Variants in SNX29 observed in about 807,000 individuals in gnomAD.
SNX29 encodes the protein sorting nexin-29.
A neutral mutation model predicts 102.1 loss-of-function variants in SNX29; 78 were observed. That is an observed-to-expected ratio of 0.76 (90% CI 0.64 to 0.92). SNX29 has a LOEUF of 0.92. SNX29 is among the 40% of genes least tolerant of loss of function. SNX29 has a pLI of 0.00. For synonymous variants in SNX29, 580 were observed against 414.5 expected (o/e 1.40, Z -4.85); for missense variants, 1,280 against 1,061.7 (o/e 1.21, Z -2.86).
intron 13 of SNX29, among the ~76,000 whole-genome samples, chr16:12,163,809 C>T (rs2055895420): frequency 6.6e-6 from 1 of 152,164 alleles, no homozygotes; most frequent in South Asian, 2.1e-4. Flanking sequence ...CTGATGCAGG[C>T]TCTGTTTCTG....
intron 11 of SNX29, among the ~76,000 whole-genome samples, chr16:12,107,943 C>CT (rs901091530): frequency 6.1e-4 from 90 of 147,080 alleles, no homozygotes; most frequent in South Asian, 2.2e-3. Flanking sequence ...AGGCTGTGAG[C>CT]TTTTTTTTTT....
chr16:12,226,710 A>G (rs2077621412), intron 14 of SNX29, among the ~76,000 whole-genome samples: 1 of 151,472 alleles, frequency 6.6e-6, no homozygotes, highest in Non-Finnish European at 1.5e-5. Context: ...AGTAGCCGGG[A>G]TTACAGGTGT....
chr16:12,156,209 T>C (rs376619700), intron 13 of SNX29, among the ~76,000 whole-genome samples: 1 of 152,348 alleles, frequency 6.6e-6, no homozygotes, highest in East Asian at 1.9e-4. Context: ...AGTCTTGCTC[T>C]GTCGCCCAGG....
chr16:12,206,317 G>T (rs1309136348), intron 14 of SNX29, among the ~76,000 whole-genome samples: 1 of 129,886 alleles, frequency 7.7e-6, no homozygotes, highest in Non-Finnish European at 1.6e-5. Flanking sequence ...TCTTTCTTCA[G>T]TTTCTCAACT....
intron 13 of SNX29, among the ~76,000 whole-genome samples, chr16:12,173,275 A>C (rs139320731): frequency 3.3e-5 from 5 of 152,190 alleles, no homozygotes; most frequent in African/African-American, 1.2e-4. Context: ...AGAGAGTTAC[A>C]TTCGTGGAGC....
At chr16:12,130,907 G>A (rs991682284) in intron 13 of SNX29, among the ~76,000 whole-genome samples, 4 of 151,826 alleles carry the variant, frequency 2.6e-5, no homozygotes, top group Non-Finnish European at 5.9e-5. Context: ...TGCTGACAGC[G>A]AGGCACCGAG....
At chr16:12,545,237 C>T (rs558581305) in intron 20 of SNX29, among the ~76,000 whole-genome samples, 1 of 152,216 alleles carries the variant, frequency 6.6e-6, no homozygotes, top group African/African-American at 2.4e-5. Flanking sequence ...GAAAGGGCCT[C>T]TGTTCTCAAG....
At chr16:12,535,874 A>AG (rs138091109) in intron 20 of SNX29, among the ~76,000 whole-genome samples, 57 of 152,302 alleles carry the variant, frequency 3.7e-4, no homozygotes, top group African/African-American at 1.0e-3. Context: ...GTGCTGTCCA[A>AG]GGTCCTACCC....
chr16:12,520,658 G>T (rs1319648987), intron 19 of SNX29, among the ~76,000 whole-genome samples: 1 of 152,216 alleles, frequency 6.6e-6, no homozygotes, highest in African/African-American at 2.4e-5. Flanking sequence ...CAACTTGGAT[G>T]AAGCAAAAGG....
intron 20 of SNX29, among the ~76,000 whole-genome samples, chr16:12,534,127 C>T (rs1005554699): frequency 1.3e-5 from 2 of 152,254 alleles, no homozygotes; most frequent in African/African-American, 2.4e-5. Flanking sequence ...CTAACCAGGA[C>T]AGCTCCAACA....
At chr16:12,486,770 GTC>G (rs1285702331) in intron 19 of SNX29, among the ~76,000 whole-genome samples, 6 of 152,166 alleles carry the variant, frequency 3.9e-5, no homozygotes, top group African/African-American at 1.4e-4. Flanking sequence ...CTGATGGCCT[GTC>G]TCTCCGCCCA....
chr16:12,030,955 G>A (rs767937405), intron 4 of SNX29, among the ~76,000 whole-genome samples: 7 of 152,192 alleles, frequency 4.6e-5, no homozygotes, highest in Non-Finnish European at 7.3e-5. Flanking sequence ...GGACTCTTGA[G>A]ACCTCTCCAT....
chr16:12,086,072 C>T (rs766988772), intron 11 of SNX29, among the ~76,000 whole-genome samples: 12 of 145,254 alleles, frequency 8.3e-5, no homozygotes, highest in East Asian at 8.2e-4. Flanking sequence ...GGCGTGATCT[C>T]GGCTCAGTGC....
rs141963551 is a variant in SNX29 at position 12,037,842 on chromosome 16, C to T, written c.248-5055C>T. On this transcript the variant is annotated intron_variant, in intron 4 of 20. Coordinates refer to ENST00000566228, the MANE Select transcript of SNX29 (RefSeq NM_032167.5). Reference sequence around the variant, plus strand: ...TGGTGGTGTACACCTGTAGTCCCAGCTACTCATGAGCCTGAGATGGGAAGA... The same window carrying T: ...TGGTGGTGTACACCTGTAGTCCCAGTTACTCATGAGCCTGAGATGGGAAGA... Among the ~76,000 whole-genome samples, 429 of 152,156 alleles carry T rather than the reference C, an allele frequency of 2.8e-3. 2 individuals carry two copies. Among genetic ancestry groups the T allele is most frequent in the African/African-American group, 9.8e-3 (407 of 41,504 alleles).
intron 20 of SNX29, among the ~76,000 whole-genome samples, chr16:12,543,078 A>G (rs1335796214): frequency 6.6e-6 from 1 of 152,176 alleles, no homozygotes; most frequent in African/African-American, 2.4e-5. Flanking sequence ...ACCCTCAAGC[A>G]TGTTCTGTCT....
intron 15 of SNX29, among the ~76,000 whole-genome samples, chr16:12,352,283 G>A (rs146422489): frequency 2.0e-5 from 3 of 151,694 alleles, no homozygotes; most frequent in South Asian, 4.2e-4. Context: ...ACCAAACACC[G>A]CATGTTCTCA....
intron 18 of SNX29, among the ~76,000 whole-genome samples, chr16:12,439,905 C>T (rs531224376): frequency 6.6e-6 from 1 of 152,342 alleles, no homozygotes; most frequent in East Asian, 1.9e-4. Context: ...ATTTTCCTGG[C>T]TCTCCCTGAG....
intron 19 of SNX29, among the ~76,000 whole-genome samples, chr16:12,505,490 G>C (rs1175350714): frequency 6.6e-6 from 1 of 152,142 alleles, no homozygotes; most frequent in Non-Finnish European, 1.5e-5. Context: ...CCTTATGCCA[G>C]TTCCTTTTTT....
At chr16:12,291,429 A>G (rs922555076) in intron 15 of SNX29, among the ~76,000 whole-genome samples, 2 of 152,254 alleles carry the variant, frequency 1.3e-5, no homozygotes, top group Middle Eastern at 3.4e-3. Context: ...ACCCGCCCCC[A>G]TCATTCAGTT....
Sources: gnomAD v4.1 joint callset for allele counts (sites outside exome capture counted in the v4.1 genomes callset) on GRCh38, gnomAD v4.1.1 for gene constraint, MANE v1.5 for transcripts, NCBI Gene and HGNC (gene_info 2026-07-23, HGNC 2026-07-21) for gene names.